The following KCNH5 variants were observed in gnomAD, a reference collection of about 807,000 sequenced individuals.
KCNH5 encodes potassium voltage-gated channel subfamily H member 5, also known as voltage-gated delayed rectifier potassium channel KCNH5.
In KCNH5, 46 loss-of-function variants were observed where a neutral mutation model predicts 96.1. The observed-to-expected ratio is 0.48, with a 90% CI of 0.38 to 0.61. KCNH5 has a LOEUF of 0.61. KCNH5 is among the 20% of genes least tolerant of loss of function. The probability of loss-of-function intolerance (pLI) is 0.00; values close to 1 mark genes in which losing one functional copy is unlikely to be tolerated. For synonymous variants in KCNH5, 439 were observed against 449.8 expected (o/e 0.98, Z 0.30); for missense variants, 907 against 1,225.8 (o/e 0.74, Z 3.88).
At chr14:62,879,536 T>G (rs1443792497) in intron 7 of KCNH5, among the ~76,000 whole-genome samples, 1 of 152,152 alleles carries the variant, frequency 6.6e-6, no homozygotes, top group Non-Finnish European at 1.5e-5. Context: ...TTATTTCCAG[T>G]GTAAAGGTAA....
At chr14:62,958,268 T>C (rs907781287) in intron 6 of KCNH5, among the ~76,000 whole-genome samples, 1 of 152,232 alleles carries the variant, frequency 6.6e-6, no homozygotes, top group African/African-American at 2.4e-5. Flanking sequence ...TCCAAGTTAT[T>C]ACTTCATAAA....
rs1487979244 is a variant in KCNH5 at position 62,706,361 on chromosome 14, A to C, written c.*1147T>G. ...AGCAGTTATCTGAGTCGAGCAACTTAATGTCTACTTCTTGGTTGGTTGGTT... is the reference window on the plus strand; with the variant it reads ...AGCAGTTATCTGAGTCGAGCAACTTCATGTCTACTTCTTGGTTGGTTGGTT... On this transcript the variant is annotated 3_prime_UTR_variant, in exon 11 of 11. Transcript: ENST00000322893. The C allele has an allele frequency of 6.6e-6, 1 of 152,182 alleles. No homozygotes were observed. The highest frequency in any genetic ancestry group is 2.4e-5 in the African/African-American group (1 of 41,468). The allele number at this position is 152,182 out of a possible 1,614,324, so 9.4% of individuals were successfully genotyped here.
rs1160990229 is a variant in KCNH5, at chr14:62,889,798, A to G, written c.1370-39946T>C. On this transcript the variant is annotated intron_variant, in intron 7 of 10. Coordinates refer to ENST00000322893, the MANE Select transcript of KCNH5 (RefSeq NM_139318.5). The stretch of plus-strand genomic sequence containing the variant: ...GCATAGTACTATTGCATTTCAATTG[A>G]ATGTATAACTACATAGGAGAGAAGC... Among the ~76,000 whole-genome samples the G allele has an allele frequency of 2.0e-5, 3 of 152,232 alleles. 1 individual carries two copies. The highest frequency in any genetic ancestry group is 1.3e-4 in the Admixed American group (2 of 15,282).
chr14:62,806,853 T>G (rs548660263), intron 8 of KCNH5, among the ~76,000 whole-genome samples: 1 of 152,276 alleles, frequency 6.6e-6, no homozygotes, highest in East Asian at 1.9e-4. Flanking sequence ...TGCTATTCTC[T>G]TTGGATTAAT....
intron 9 of KCNH5, among the ~76,000 whole-genome samples, chr14:62,799,375 G>A (rs1230593362): frequency 2.0e-5 from 3 of 151,614 alleles, no homozygotes; most frequent in African/African-American, 4.8e-5. Context: ...TCAGGAGTTC[G>A]AGACCAGCCT....
At chr14:62,884,346 C>T (rs549718150) in intron 7 of KCNH5, among the ~76,000 whole-genome samples, 9 of 152,062 alleles carry the variant, frequency 5.9e-5, no homozygotes, top group South Asian at 2.1e-4. Flanking sequence ...AAATAATGGC[C>T]GGGCACGGTG....
chr14:62,960,630 C>T (rs1036223423), intron 6 of KCNH5, among the ~76,000 whole-genome samples: 2 of 152,074 alleles, frequency 1.3e-5, no homozygotes, highest in Admixed American at 6.6e-5. Flanking sequence ...TGAATGATTA[C>T]ATAGTCCATT....
chr14:63,003,659 G>A (rs1197062893), intron 3 of KCNH5, among the ~76,000 whole-genome samples: 7 of 109,858 alleles, frequency 6.4e-5, no homozygotes, highest in African/African-American at 1.1e-4. Context: ...TCACTCTTTC[G>A]TCCAGGCCCA....
chr14:62,937,504 AGG>A (rs1889707913), intron 7 of KCNH5, among the ~76,000 whole-genome samples: 1 of 152,116 alleles, frequency 6.6e-6, no homozygotes, highest in Non-Finnish European at 1.5e-5. Flanking sequence ...CACCTTCCTA[AGG>A]GGAGAGTCAG....
chr14:62,873,889 C>T (rs1172351012), intron 7 of KCNH5, among the ~76,000 whole-genome samples: 1 of 152,174 alleles, frequency 6.6e-6, no homozygotes, highest in African/African-American at 2.4e-5. Context: ...GCTCCAAGGA[C>T]TGATCTGGGT....
Position 63,040,344 on chromosome 14 carries a change from C to A in KCNH5, c.73+4770G>T, listed in dbSNP as rs189191312. Among the ~76,000 whole-genome samples the A allele has an allele frequency of 5.3e-5, 8 of 152,170 alleles. No homozygotes were observed. The East Asian group carries it at 1.5e-3, about 29-fold the overall frequency. ...GATAACAGTATCTTAGAATAAGCAT[C>A]CCTCTATCAGCAATGTGCTGCATTC... On this transcript the variant is annotated intron_variant, in intron 1 of 10. Transcript: ENST00000322893.
intron 10 of KCNH5, among the ~76,000 whole-genome samples, chr14:62,759,073 A>G (rs1489372315): frequency 2.6e-5 from 4 of 152,220 alleles, no homozygotes; most frequent in Admixed American, 6.5e-5. Flanking sequence ...TTATAACTCA[A>G]TAGAGGAATA....
chr14:62,727,077 G>C (rs1198608508), intron 10 of KCNH5, among the ~76,000 whole-genome samples: 9 of 152,118 alleles, frequency 5.9e-5, no homozygotes, highest in Admixed American at 4.6e-4. Context: ...TGTTAAAAGT[G>C]AGTAGGGGCA....
At chr14:63,005,842 C>A (rs969627829) in intron 3 of KCNH5, among the ~76,000 whole-genome samples, 1 of 152,110 alleles carries the variant, frequency 6.6e-6, no homozygotes, top group Admixed American at 6.6e-5. Context: ...ATTTACCAAA[C>A]GTGAATGACT....
intron 5 of KCNH5, 27 bp from the exon 6 acceptor site, chr14:62,981,291 A>C: frequency 6.2e-7 from 1 of 1,607,958 alleles, no homozygotes; most frequent in Non-Finnish European, 8.5e-7. Flanking sequence ...GTATTTATAC[A>C]TGACTAGGTT....
rs34764419 is a variant in KCNH5, at chr14:62,987,106, G to C, written c.515C>G (p.Thr172Arg). The change falls in exon 5 of 11, where the codon ACA becomes AGA. Residue 172 changes from threonine (T) to arginine (R), a missense_variant. Thr to Arg is a moderately conservative substitution (Grantham distance 71, BLOSUM62 -1). Transcript: ENST00000322893. ...VLQQLTPMNK[T>R]EVVHKHSRLA... ...TCTTGAATGTTTATGGACCACCTCTGTTTTATTCATTGGCGTGAGCTGCTG... is the reference window on the plus strand; with the variant it reads ...TCTTGAATGTTTATGGACCACCTCTCTTTTATTCATTGGCGTGAGCTGCTG... 107 of 1,613,482 alleles carry C rather than the reference G, an allele frequency of 6.6e-5. 1 individual carries two copies. The African/African-American group carries it at 1.3e-3, about 20-fold the overall frequency.
intron 7 of KCNH5, among the ~76,000 whole-genome samples, chr14:62,913,286 G>A (rs775593085): frequency 3.9e-5 from 6 of 152,070 alleles, no homozygotes; most frequent in Non-Finnish European, 8.8e-5. Flanking sequence ...GGAGTGCAGT[G>A]GTGCGATCTC....
intron 7 of KCNH5, among the ~76,000 whole-genome samples, chr14:62,854,004 C>CAAAAAAAAAAAAAAAAAA (rs548263620): frequency 1.2e-5 from 1 of 84,224 alleles, no homozygotes; most frequent in Non-Finnish European, 2.4e-5. Context: ...GAGACTCTGT[C>CAAAAAAAAAAAAAAAAAA]AAAAAAAAAA....
At chr14:62,710,765 C>G (rs994084111) in intron 10 of KCNH5, among the ~76,000 whole-genome samples, 1 of 152,104 alleles carries the variant, frequency 6.6e-6, no homozygotes, top group Non-Finnish European at 1.5e-5. Flanking sequence ...GTGGTAGGCA[C>G]ACAGGAAGGT....
Sources: allele counts gnomAD v4.1 joint callset (sites outside exome capture counted in the v4.1 genomes callset), GRCh38; gene constraint gnomAD v4.1.1; transcripts MANE v1.5; gene names NCBI Gene and HGNC (gene_info 2026-07-23, HGNC 2026-07-21).